The following ZNF496 variants were observed in gnomAD, a reference collection of about 807,000 sequenced individuals.
The protein encoded by ZNF496 is zinc finger protein 496.
Under a neutral mutation model 58.9 loss-of-function variants are expected in ZNF496, and 11 were observed. That is an observed-to-expected ratio of 0.19 (90% confidence interval 0.12 to 0.31). The LOEUF (loss-of-function observed/expected upper bound fraction) is 0.31. Ranked by LOEUF, ZNF496 falls within the 10% of genes least tolerant of loss-of-function variation. ZNF496 has a pLI of 1.00. For synonymous variants in ZNF496, 338 were observed against 318.2 expected (o/e 1.06, Z -0.66); for missense variants, 660 against 783.0 (o/e 0.84, Z 1.88).
intron 6 of ZNF496, 131 bp from the exon 7 acceptor site, chr1:247,310,587 C>T (rs61838684): frequency 0.34 from 424,300 of 1,237,800 alleles, 77,248 homozygotes; most frequent in Middle Eastern, 0.42. Context: ...CTGTTCCTCA[C>T]AGTTCTGGAG....
At position 247,300,305 on chromosome 1, in the gene ZNF496, G is replaced by A. The variant is rs1181525899; in HGVS notation, c.*214C>T. The A allele has an allele frequency of 6.2e-6, 3 of 484,836 alleles. No homozygotes were observed. Among genetic ancestry groups the A allele is most frequent in the Non-Finnish European group, 1.1e-5 (3 of 284,706 alleles). The allele number at this position is 484,836 out of a possible 1,614,324, so 30.0% of individuals were successfully genotyped here. ...CACATCCCCCCCGTTTTTTGGCACA[G>A]CAGAAACAGAACACTCACTTGGCCA... is the stretch of plus-strand genomic sequence containing the variant. On this transcript the variant is annotated 3_prime_UTR_variant, in exon 10 of 10. Coordinates refer to ENST00000682384, the MANE Select transcript of ZNF496 (RefSeq NM_032752.3). The surrounding 1 kb of genome is among the most constrained non-coding windows in gnomAD (Gnocchi z 5.7).
At chr1:247,305,703 GT>G (rs1400248113) in intron 9 of ZNF496, among the ~76,000 whole-genome samples, 2 of 152,230 alleles carry the variant, frequency 1.3e-5, no homozygotes, top group African/African-American at 4.8e-5. Flanking sequence ...TTCTTGTAAA[GT>G]TAGAATGGGG....
chr1:247,307,110 AG>A, intron 9 of ZNF496: 1 of 985,464 alleles, frequency 1.0e-6, no homozygotes, highest in Non-Finnish European at 1.2e-6. Context: ...CGGATGTAGT[AG>A]CATTATTTGA....
At chr1:247,316,191 GTGT>G (rs1659766503) in intron 6 of ZNF496, among the ~76,000 whole-genome samples, 1 of 28,574 alleles carries the variant, frequency 3.5e-5, no homozygotes, top group Admixed American at 2.9e-4. Flanking sequence ...CCTGGGAGGG[GTGT>G]GTGTGTGTGC....
chr1:247,305,909 A>G (rs1309050474), intron 9 of ZNF496, among the ~76,000 whole-genome samples: 1 of 152,222 alleles, frequency 6.6e-6, no homozygotes, highest in Non-Finnish European at 1.5e-5. Context: ...AAGAGACCCC[A>G]TCTTTAAAAA....
chr1:247,312,296 G>A (rs1054584488), intron 6 of ZNF496: 1 of 152,210 alleles, frequency 6.6e-6, no homozygotes, highest in African/African-American at 2.4e-5. Context: ...TCAGCCAAGT[G>A]ATTTGCCACT....
chr1:247,302,764 C>T (rs1008747946), intron 9 of ZNF496, among the ~76,000 whole-genome samples: 5 of 152,114 alleles, frequency 3.3e-5, no homozygotes, highest in African/African-American at 1.2e-4. Flanking sequence ...AGTGGCAGCC[C>T]GTTGCTCTAA....
chr1:247,323,393 C>T (rs1660021316), intron 5 of ZNF496, among the ~76,000 whole-genome samples, 163 bp from the exon 6 acceptor site: 2 of 152,166 alleles, frequency 1.3e-5, no homozygotes, highest in Admixed American at 6.6e-5. Flanking sequence ...CATAAAACCC[C>T]AGTCTCTGTT....
Position 247,309,459 on chromosome 1 carries a change from C to T in ZNF496, c.892+240G>A. On this transcript the variant is annotated intron_variant, in intron 8 of 9. Transcript: ENST00000682384. This position sits in a 1 kb window ranked among gnomAD's most constrained non-coding sequence, Gnocchi z 4.3. ...CTTACAGGCAGAGGAGAAAGACATT[C>T]CTATTATTTCCCAGTCCTTGGCCAA... The T allele has an allele frequency of 7.3e-7, 1 of 1,364,476 alleles. No homozygotes were observed. Among genetic ancestry groups the T allele is most frequent in the Non-Finnish European group, 9.4e-7 (1 of 1,061,442 alleles). 84.5% of individuals were successfully genotyped at this position (1,364,476 alleles called of 1,614,324 possible).
In ZNF496 at chr1:247,308,957, G is replaced by C. The variant is rs1659504974; in HGVS notation, c.893-369C>G. ...ACACTCCGCACATCCTGCACAAACA[G>C]CTTGTGCAGAGCCTACAGGGTAGAG... is the stretch of plus-strand genomic sequence containing the variant. On this transcript the variant is annotated intron_variant, in intron 8 of 9. Transcript: ENST00000682384. The surrounding 1 kb of genome is among the most constrained non-coding windows in gnomAD (Gnocchi z 4.5). The C allele has an allele frequency of 3.7e-6, 1 of 269,406 alleles. No individual in the cohort carries two copies. The highest frequency in any genetic ancestry group is 5.0e-5 in the Admixed American group (1 of 20,060). The allele number at this position is 269,406 out of a possible 1,614,324, so 16.7% of individuals were successfully genotyped here.
rs751419717 is a variant in ZNF496 at position 247,328,765 on chromosome 1, C to T, written c.492G>A (p.Lys164=). ...GGGTTATGGGCTGGGCATCCTGGTT[C>T]TTTGCAAGGTCGCTGTGGGGCTCTA... is the stretch of plus-strand genomic sequence containing the variant. ...LPVEPHSDLA[K]NQDAQPITLA... is the part of the protein sequence containing the mutation. The change falls in exon 5 of 10, where the codon AAG becomes AAA. Residue 164 remains lysine (K), a synonymous_variant. Coordinates refer to ENST00000682384, the MANE Select transcript of ZNF496 (RefSeq NM_032752.3). The T allele has an allele frequency of 2.5e-6, 4 of 1,613,852 alleles. No homozygotes were observed. Among genetic ancestry groups the T allele is most frequent in the Non-Finnish European group, 3.4e-6 (4 of 1,179,918 alleles).
intron 9 of ZNF496, chr1:247,303,991 C>T (rs1190092252): frequency 5.4e-6 from 2 of 369,598 alleles, no homozygotes; most frequent in African/African-American, 4.3e-5. Context: ...GGCCTGCAAC[C>T]CTGTGGACTG....
intron 6 of ZNF496, among the ~76,000 whole-genome samples, chr1:247,315,731 A>T (rs1472914413): frequency 6.6e-6 from 1 of 152,250 alleles, no homozygotes; most frequent in Non-Finnish European, 1.5e-5. Context: ...CCTAACTTTA[A>T]AATTAATTCC....
intron 6 of ZNF496, 198 bp from the exon 7 acceptor site, chr1:247,310,654 C>G (rs1445984522): frequency 1.6e-6 from 1 of 613,006 alleles, no homozygotes; most frequent in African/African-American, 1.9e-5. Flanking sequence ...GGGCCCACTT[C>G]TTGGTCAAAA....
At chr1:247,324,983 C>G (rs1482542668) in intron 5 of ZNF496, among the ~76,000 whole-genome samples, 1 of 152,212 alleles carries the variant, frequency 6.6e-6, no homozygotes, top group Non-Finnish European at 1.5e-5. Flanking sequence ...AACAGTGCAG[C>G]CATGTAAAAA....
rs946305753 is a variant in ZNF496, at chr1:247,300,246, C to T, written c.*273G>A. 6 of 351,648 alleles carry T rather than the reference C, an allele frequency of 1.7e-5. No individual in the cohort carries two copies. Among genetic ancestry groups the T allele is most frequent in the East Asian group, 8.9e-5 (2 of 22,472 alleles). The allele number at this position is 351,648 out of a possible 1,614,324, so 21.8% of individuals were successfully genotyped here. A position where few individuals can be genotyped will look rare whatever the true frequency, so the allele number is the denominator to read the frequency against. On this transcript the variant is annotated 3_prime_UTR_variant, in exon 10 of 10. Transcript: ENST00000682384. This position sits in a 1 kb window ranked among gnomAD's most constrained non-coding sequence, Gnocchi z 5.7. ...GAGCATGGGCCAAGGGTCTCTAAGA[C>T]GCAGAACACCTGGCATGTCCAACCT...
chr1:247,312,758 A>G (rs1311477591), intron 6 of ZNF496: 2 of 152,108 alleles, frequency 1.3e-5, no homozygotes, highest in African/African-American at 4.8e-5. Context: ...AAGAAAAAGA[A>G]AAAGAAAAAA....
chr1:247,324,205 A>G (rs547238814), intron 5 of ZNF496, among the ~76,000 whole-genome samples: 1 of 152,372 alleles, frequency 6.6e-6, no homozygotes, highest in Non-Finnish European at 1.5e-5. Flanking sequence ...GCTACGAGCA[A>G]TAAGCCAGAC....
chr1:247,313,600 A>T (rs529699865), intron 6 of ZNF496: 8 of 152,340 alleles, frequency 5.3e-5, no homozygotes, highest in African/African-American at 1.9e-4. Context: ...CTCAATGCAG[A>T]GATTCCTAAA....
Sources: gnomAD v4.1 joint callset for allele counts (sites outside exome capture counted in the v4.1 genomes callset) on GRCh38, gnomAD v4.1.1 for gene constraint, Gnocchi (gnomAD v3.1) non-coding constraint, MANE v1.5 for transcripts, NCBI Gene and HGNC (gene_info 2026-07-23, HGNC 2026-07-21) for gene names.